Variants in N4BP2 observed in about 807,000 individuals in gnomAD.
N4BP2 encodes the protein NEDD4 binding protein 2, also known as NEDD4-binding protein 2.
Under a neutral mutation model 152.8 loss-of-function variants are expected in N4BP2, and 91 were observed. The observed-to-expected ratio is 0.60, with a 90% CI of 0.50 to 0.71. The LOEUF is 0.71. Ranked by LOEUF, N4BP2 falls within the 30% of genes least tolerant of loss-of-function variation. The pLI is 0.00. For synonymous variants in N4BP2, 646 were observed against 705.3 expected, an observed-to-expected ratio of 0.92 and a Z score of 1.33; for missense variants, 1,923 against 2,059.1, an observed-to-expected ratio of 0.93 and a Z score of 1.28.
At chr4:40,172,095 A>T in the N4BP2 span, among the ~76,000 whole-genome samples, 1 of 151,910 alleles carries the variant, frequency 6.6e-6, no homozygotes, top group Non-Finnish European at 1.5e-5. Flanking sequence ...TTTAGTAGAG[A>T]TGGGGTTTCA....
At chr4:40,170,712 A>C in the N4BP2 span, among the ~76,000 whole-genome samples, 2 of 152,078 alleles carry the variant, frequency 1.3e-5, no homozygotes, top group African/African-American at 4.8e-5. Flanking sequence ...ATTGTTGACT[A>C]CCTTTTTTCA....
the N4BP2 span, among the ~76,000 whole-genome samples, chr4:40,171,206 C>T: frequency 6.6e-6 from 1 of 152,220 alleles, no homozygotes; most frequent in East Asian, 1.9e-4. Context: ...GTTCTTCCAA[C>T]GTGAAGTGCC....
Position 40,122,256 on chromosome 4 carries a change from CT to C in N4BP2, c.4146del (p.Glu1383AsnfsTer20). 1.9e-6 allele frequency: 3 copies of C among 1,594,104 alleles called. No individual in the cohort carries two copies. Among genetic ancestry groups the C allele is most frequent in the Non-Finnish European group, 2.6e-6 (3 of 1,169,490 alleles). Reference protein sequence around the residue: ...TIDCLELALPPELAFQLNELF... With the variant: ...TIDCLELALPXELAFQLNELF... ...GACTGTCTGGAATTGGCATTACCCC[CT>C]GAACTGGCTTTTCAACTTAATGAAT... On this transcript the variant is annotated frameshift_variant, in exon 9 of 18. Transcript: ENST00000261435. LOFTEE classifies it high-confidence loss of function.
intron 16 of N4BP2, among the ~76,000 whole-genome samples, chr4:40,145,148 A>G (rs111531433): frequency 0.03 from 4,522 of 152,074 alleles, 222 homozygotes; most frequent in African/African-American, 0.1. Context: ...TTGGATTTCA[A>G]TTTTTCAGTA....
At chr4:40,072,053 C>T (rs1435080062) in intron 1 of N4BP2, among the ~76,000 whole-genome samples, 1 of 151,368 alleles carries the variant, frequency 6.6e-6, no homozygotes, top group Admixed American at 6.6e-5. Flanking sequence ...GGACTACAAG[C>T]ATTTGCCACT....
Position 40,102,914 on chromosome 4 carries a change from C to A in N4BP2, c.1069C>A (p.Pro357Thr), listed in dbSNP as rs778229446. 8 of 1,614,220 alleles carry A rather than the reference C, an allele frequency of 5.0e-6. No homozygotes were observed. Among genetic ancestry groups the A allele is most frequent in the Non-Finnish European group, 6.8e-6 (8 of 1,180,050 alleles). ...LAPLPLLLPP[P>T]PPPPMWNPMI... ...TCCTCTCCCATTGCTGTTGCCTCCT[C>A]CGCCACCTCCACCGATGTGGAATCC... Residue 357 changes from proline (P) to threonine (T), a missense_variant, in exon 4 of 18, where the codon CCG becomes ACG. Transcript: ENST00000261435.
chr4:40,135,048 C>T (rs1719256241), intron 13 of N4BP2, among the ~76,000 whole-genome samples: 1 of 150,348 alleles, frequency 6.7e-6, no homozygotes, highest in African/African-American at 2.4e-5. Flanking sequence ...GCTGCACCCA[C>T]TAACTTGTCA....
intron 1 of N4BP2, among the ~76,000 whole-genome samples, 165 bp from the exon 2 acceptor site, chr4:40,073,290 C>A (rs1185290526): frequency 1.3e-5 from 2 of 152,082 alleles, no homozygotes; most frequent in African/African-American, 4.8e-5. Flanking sequence ...GCAATAGTCA[C>A]CTCCAGTGGC....
chr4:40,112,611 A>G (rs144544954), intron 6 of N4BP2, among the ~76,000 whole-genome samples: 258 of 151,952 alleles, frequency 1.7e-3, no homozygotes, highest in African/African-American at 5.8e-3. Context: ...TTTTCTCTGA[A>G]TTTGCCAGAT....
At chr4:40,096,565 C>T (rs2109951081) in intron 2 of N4BP2, among the ~76,000 whole-genome samples, 1 of 152,194 alleles carries the variant, frequency 6.6e-6, no homozygotes, top group East Asian at 1.9e-4. Flanking sequence ...AAGGCATGAT[C>T]CACCATGTGG....
At chr4:40,076,239 A>C (rs1712717747) in intron 2 of N4BP2, among the ~76,000 whole-genome samples, 1 of 152,122 alleles carries the variant, frequency 6.6e-6, no homozygotes. Flanking sequence ...ACTTAGAGAC[A>C]CTGAGGCAGG....
chr4:40,174,093 G>A, the N4BP2 span, among the ~76,000 whole-genome samples: 11 of 152,182 alleles, frequency 7.2e-5, no homozygotes, highest in African/African-American at 1.7e-4. Context: ...TCAAAAAGAC[G>A]AGAGGCTGGG....
At chr4:40,108,220 C>T (rs1015905560) in intron 5 of N4BP2, among the ~76,000 whole-genome samples, 4 of 152,172 alleles carry the variant, frequency 2.6e-5, no homozygotes, top group Non-Finnish European at 4.4e-5. Context: ...AGGTTTGAGC[C>T]ACCATGCCCA....
In N4BP2 at chr4:40,102,066, G is replaced by C. The variant is rs932248451; in HGVS notation, c.230-9G>C. 8 of 1,511,368 alleles carry C rather than the reference G, an allele frequency of 5.3e-6. No individual in the cohort carries two copies. Among genetic ancestry groups the C allele is most frequent in the Non-Finnish European group, 7.2e-6 (8 of 1,118,132 alleles). The allele number at this position is 1,511,368 out of a possible 1,614,324, so 93.6% of individuals were successfully genotyped here. On this transcript the variant is annotated splice_polypyrimidine_tract_variant and intron_variant, in intron 3 of 17. Transcript: ENST00000261435. ...TTTTGTTGTTGTTATTATTCTTGTTGTTGTACAGTTGAAAATGCTATGGAT... is the reference window on the plus strand; with the variant it reads ...TTTTGTTGTTGTTATTATTCTTGTTCTTGTACAGTTGAAAATGCTATGGAT...
At chr4:40,097,599 C>T in intron 3 of N4BP2, 30 bp downstream of exon 3, 2 of 1,343,884 alleles carry the variant, frequency 1.5e-6, no homozygotes, top group South Asian at 1.2e-5. Flanking sequence ...GAACCCTGTC[C>T]ATCTTATAAG....
At chr4:40,143,312 A>G (rs1279917011) in intron 15 of N4BP2, among the ~76,000 whole-genome samples, 1 of 151,932 alleles carries the variant, frequency 6.6e-6, no homozygotes, top group Non-Finnish European at 1.5e-5. Flanking sequence ...AACTTGCTTT[A>G]TTTATTTATT....
chr4:40,057,869 G>C (rs1184396697), intron 1 of N4BP2, among the ~76,000 whole-genome samples: 1 of 152,168 alleles, frequency 6.6e-6, no homozygotes, highest in African/African-American at 2.4e-5. Flanking sequence ...TTCGGCGGCA[G>C]TCTTTGTAAC....
intron 13 of N4BP2, among the ~76,000 whole-genome samples, chr4:40,134,291 C>T (rs761568358): frequency 5.3e-5 from 8 of 152,298 alleles, no homozygotes; most frequent in Admixed American, 2.0e-4. Flanking sequence ...TTGATGCTAG[C>T]ATATGGCCAC....
the N4BP2 span, among the ~76,000 whole-genome samples, chr4:40,187,519 T>C: frequency 6.6e-6 from 1 of 152,146 alleles, no homozygotes; most frequent in Admixed American, 6.5e-5. Context: ...GGGGTCTTGC[T>C]ATGTTGCCCA....
Sources: gnomAD v4.1 joint callset for allele counts (sites outside exome capture counted in the v4.1 genomes callset) on GRCh38, gnomAD v4.1.1 for gene constraint, MANE v1.5 for transcripts, NCBI Gene and HGNC (gene_info 2026-07-23, HGNC 2026-07-21) for gene names.